The following PCDHGA2 variants were observed in gnomAD, a reference collection of about 807,000 sequenced individuals.
PCDHGA2 encodes the protein protocadherin gamma subfamily A, 2.
Under a neutral mutation model 59.2 loss-of-function variants are expected in PCDHGA2, and 40 were observed. The observed-to-expected ratio is 0.68, with a 90% confidence interval of 0.52 to 0.88. The LOEUF is 0.88. Among genes scored for constraint, PCDHGA2 ranks in the 40% least tolerant of loss-of-function variants. The pLI, the probability that PCDHGA2 is intolerant of heterozygous loss-of-function variation, is 0.00. For missense variants in PCDHGA2, 1,226 were observed against 1,204.0 expected (o/e 1.02, Z -0.27); for synonymous variants, 560 against 526.0 (o/e 1.06, Z -0.89).
intron 1 of PCDHGA2, chr5:141,357,312 C>T: frequency 1.2e-6 from 2 of 1,614,090 alleles, no homozygotes; most frequent in Non-Finnish European, 1.7e-6. Context: ...CCTGCGTCTT[C>T]CTGGCTTTTG....
chr5:141,375,539 CAA>C lies in PCDHGA2; in HGVS notation c.2424+34145_2424+34146del, dbSNP rs761563017. The C allele has an allele frequency of 1.7e-5, 28 of 1,613,986 alleles. No homozygotes were observed. The East Asian group carries it at 6.0e-4, about 35-fold the overall frequency. On this transcript the variant is annotated intron_variant, in intron 1 of 3. Transcript: ENST00000394576. ...GGACCCTGACGTGGACCAGAACGCC[CAA>C]GTCTCCTACTCACTGGCAGAAGACA...
intron 1 of PCDHGA2, chr5:141,423,243 C>G (rs2096724455): frequency 6.2e-7 from 1 of 1,613,842 alleles, no homozygotes. Flanking sequence ...TCCCCGAAGT[C>G]CTGGCGGACC....
At chr5:141,410,192 T>G (rs748013890) in intron 1 of PCDHGA2, 1 of 1,613,980 alleles carries the variant, frequency 6.2e-7, no homozygotes, top group Non-Finnish European at 8.5e-7. Context: ...TCATCTGGTC[T>G]TCGCAGACAA....
rs767197233 is a variant in PCDHGA2, at chr5:141,418,642, C to T, written c.2425-76165C>T. On this transcript the variant is annotated intron_variant, in intron 1 of 3. Coordinates refer to ENST00000394576, the MANE Select transcript of PCDHGA2 (RefSeq NM_018915.4). ...AAGACGTGCCTCCAGGCACCTCCAT[C>T]CTGAGAGTGAAGGCCACTGACCAGG... The T allele has an allele frequency of 2.3e-5, 37 of 1,614,028 alleles. No individual in the cohort carries two copies. In the South Asian group the frequency reaches 3.6e-4, roughly 16 times the overall value.
chr5:141,394,481 T>C lies in PCDHGA2; in HGVS notation c.2424+53086T>C, dbSNP rs766569646. The C allele has an allele frequency of 4.3e-6, 7 of 1,614,088 alleles. No individual in the cohort carries two copies. The East Asian group carries it at 6.7e-5, about 15-fold the overall frequency. ...TGAGCCTGTTCGTGCTGGACCAGAATGACAACGCGCCCGAGATCCTGTACC... is the reference window on the plus strand; with the variant it reads ...TGAGCCTGTTCGTGCTGGACCAGAACGACAACGCGCCCGAGATCCTGTACC... On this transcript the variant is annotated intron_variant, in intron 1 of 3. Transcript: ENST00000394576.
At chr5:141,460,987 A>C (rs201722325) in intron 1 of PCDHGA2, among the ~76,000 whole-genome samples, 1 of 92,990 alleles carries the variant, frequency 1.1e-5, no homozygotes, top group South Asian at 3.4e-4. Context: ...GTGTGTGTAT[A>C]TATATATATG....
At chr5:141,372,684 G>T in intron 1 of PCDHGA2, 10 of 1,613,968 alleles carry the variant, frequency 6.2e-6, no homozygotes, top group Non-Finnish European at 8.5e-6. Context: ...CTCAAACACC[G>T]AGTTTAAATT....
At chr5:141,413,102 G>A in intron 1 of PCDHGA2, 1 of 1,480,778 alleles carries the variant, frequency 6.8e-7, no homozygotes, top group Non-Finnish European at 9.1e-7. Context: ...TGAAGCCACA[G>A]AAAGACAAAG....
At chr5:141,459,775 T>C (rs377188083) in intron 1 of PCDHGA2, among the ~76,000 whole-genome samples, 8 of 152,362 alleles carry the variant, frequency 5.3e-5, no homozygotes, top group African/African-American at 1.4e-4. Flanking sequence ...TACTATCTCA[T>C]TGAAGTTTCA....
At chr5:141,353,218 G>A (rs1759220023) in intron 1 of PCDHGA2, among the ~76,000 whole-genome samples, 1 of 152,116 alleles carries the variant, frequency 6.6e-6, no homozygotes, top group African/African-American at 2.4e-5. Flanking sequence ...TTTCCTAGAT[G>A]TTAACACTTA....
At chr5:141,483,333 C>G (rs566443186) in intron 1 of PCDHGA2, among the ~76,000 whole-genome samples, 1 of 152,096 alleles carries the variant, frequency 6.6e-6, no homozygotes, top group East Asian at 1.9e-4. Context: ...GCAAAGAGAT[C>G]TTATCTCTTT....
chr5:141,469,005 G>A (rs1011079995), intron 1 of PCDHGA2, among the ~76,000 whole-genome samples: 7 of 151,814 alleles, frequency 4.6e-5, no homozygotes, highest in South Asian at 2.1e-4. Context: ...TGCTGGGTGC[G>A]GTGGGTCACT....
rs140199351 is a variant in PCDHGA2, at chr5:141,465,921, G to C, written c.2425-28886G>C. Among the ~76,000 whole-genome samples, 1,515 of 152,146 alleles carry C rather than the reference G, an allele frequency of 1.0e-2. 24 individuals carry two copies. The highest frequency in any genetic ancestry group is 0.034 in the African/African-American group (1,400 of 41,520). On this transcript the variant is annotated intron_variant, in intron 1 of 3. Transcript: ENST00000394576. ...GCAAATCACGAGGTCAGGATTTCGA[G>C]TCCATCCTGGCTAACATGGTGAAAC...
chr5:141,355,593 C>T (rs770322971), intron 1 of PCDHGA2: 2 of 1,613,990 alleles, frequency 1.2e-6, no homozygotes, highest in Admixed American at 1.7e-5. Flanking sequence ...ATAACCCACC[C>T]AGTTTTGGGA....
chr5:141,482,032 C>T (rs1370023352), intron 1 of PCDHGA2, among the ~76,000 whole-genome samples: 1 of 151,018 alleles, frequency 6.6e-6, no homozygotes, highest in African/African-American at 2.4e-5. Flanking sequence ...TTGCAGTGAG[C>T]CAAGATCATG....
chr5:141,362,293 A>G lies in PCDHGA2; in HGVS notation c.2424+20898A>G, dbSNP rs1303338188. On this transcript the variant is annotated intron_variant, in intron 1 of 3. Coordinates refer to ENST00000394576, the MANE Select transcript of PCDHGA2 (RefSeq NM_018915.4). ...CTCCCTGCGCCTGCGACTCTCTTCC[A>G]GGTCAGATGCTTGGGACTGTTTTCA... The G allele has an allele frequency of 2.5e-6, 4 of 1,614,028 alleles. No individual in the cohort carries two copies. The South Asian group carries it at 3.3e-5, about 13-fold the overall frequency.
rs192201180 is a variant in PCDHGA2 at position 141,364,242 on chromosome 5, G to A, written c.2424+22847G>A. On this transcript the variant is annotated intron_variant, in intron 1 of 3. Transcript: ENST00000394576. ...AAGCCAACGCTCCACGCCCATTTTC[G>A]TCAGGGAATATGTACCCATCGGCTT... 8 of 1,451,338 alleles carry A rather than the reference G, an allele frequency of 5.5e-6. No homozygotes were observed. The East Asian group carries it at 7.2e-5, about 13-fold the overall frequency. 89.9% of individuals were successfully genotyped at this position (1,451,338 alleles called of 1,614,324 possible).
At chr5:141,424,068 G>T in intron 1 of PCDHGA2, 1 of 993,858 alleles carries the variant, frequency 1.0e-6, no homozygotes. Flanking sequence ...TCACTGATTT[G>T]TAGTTATATT....
intron 1 of PCDHGA2, among the ~76,000 whole-genome samples, chr5:141,406,925 GTAT>G (rs2094866637): frequency 6.6e-6 from 1 of 152,150 alleles, no homozygotes; most frequent in South Asian, 2.1e-4. Flanking sequence ...AGAGAATAAT[GTAT>G]TATTTAATGT....
Sources: gnomAD v4.1 joint callset for allele counts (sites outside exome capture counted in the v4.1 genomes callset) on GRCh38, gnomAD v4.1.1 for gene constraint, MANE v1.5 for transcripts, NCBI Gene and HGNC (gene_info 2026-07-23, HGNC 2026-07-21) for gene names.